Variants in ZNF740 observed in about 807,000 individuals in gnomAD.
ZNF740 encodes the protein zinc finger protein 740.
ZNF740 carries 14 observed loss-of-function variants against 24.8 expected under a neutral mutation model. The ratio of observed to expected loss-of-function variants is 0.56; its 90% CI spans 0.37 to 0.88. The LOEUF is 0.88. Among genes scored for constraint, ZNF740 ranks in the 40% least tolerant of loss-of-function variants. The probability of loss-of-function intolerance (pLI) is 0.00; values close to 1 mark genes in which losing one functional copy is unlikely to be tolerated. For synonymous variants in ZNF740, 69 were observed against 84.0 expected (o/e 0.82, Z 0.98); for missense variants, 201 against 247.9 (o/e 0.81, Z 1.27).
Position 53,193,686 on chromosome 12 carries a change from G to A in ZNF740, c.*6096G>A, listed in dbSNP as rs771434487. On this transcript the variant is annotated 3_prime_UTR_variant, in exon 7 of 7. Transcript: ENST00000416904. ...GTTGGTTGTTGGGAGCCAGGTGGTT[G>A]AAGGGAAGAGGAGGCCCTCACCTGC... 2 of 1,583,892 alleles carry A rather than the reference G, an allele frequency of 1.3e-6. No individual in the cohort carries two copies. Among genetic ancestry groups the A allele is most frequent in the East Asian group, 4.5e-5 (2 of 44,560 alleles).
In ZNF740 at chr12:53,193,797, G is replaced by T; in HGVS notation, c.*6207G>T. 1 of 1,614,124 alleles carries T rather than the reference G, an allele frequency of 6.2e-7. No homozygotes were observed. The highest frequency in any genetic ancestry group is 8.5e-7 in the Non-Finnish European group (1 of 1,180,006). On this transcript the variant is annotated 3_prime_UTR_variant, in exon 7 of 7. Coordinates refer to ENST00000416904, the MANE Select transcript of ZNF740 (RefSeq NM_001004304.4). ...CACTGCAATTACAGTCACACAGCGT[G>T]TGCAACTCCACAATCAGCTCCTCTG... is the stretch of plus-strand genomic sequence containing the variant.
At chr12:53,187,438 T>C in intron 6 of ZNF740, 63 bp from the exon 7 acceptor site, 1 of 1,372,520 alleles carries the variant, frequency 7.3e-7, no homozygotes, top group Non-Finnish European at 1.0e-6. Context: ...GTGAGAGGAA[T>C]GAGTTAGCCA....
intron 6 of ZNF740, 133 bp from the exon 7 acceptor site, chr12:53,187,368 C>T (rs1346563339): frequency 5.5e-6 from 4 of 721,188 alleles, no homozygotes; most frequent in Admixed American, 4.3e-5. Context: ...TCTCCACCAC[C>T]GTGTGCTCCT....
chr12:53,183,284 C>G (rs574862168), intron 2 of ZNF740, among the ~76,000 whole-genome samples: 1 of 152,314 alleles, frequency 6.6e-6, no homozygotes, highest in African/African-American at 2.4e-5. Flanking sequence ...TTATGACAGG[C>G]ATTTTTCATG....
intron 2 of ZNF740, among the ~76,000 whole-genome samples, chr12:53,184,150 T>TGCGCGCGCGCGC (rs377127380): frequency 4.8e-5 from 5 of 104,338 alleles, no homozygotes; most frequent in African/African-American, 1.9e-4. Flanking sequence ...TGTGTGTGTG[T>TGCGCGCGCGCGC]GCGCGCGCGC....
At chr12:53,186,125 G>A in intron 5 of ZNF740, 48 bp downstream of exon 5, 10 of 1,586,206 alleles carry the variant, frequency 6.3e-6, no homozygotes, top group Non-Finnish European at 8.6e-6. Context: ...TCTATCGCTT[G>A]TATTCCATGT....
Position 53,185,237 on chromosome 12 carries a change from G to C in ZNF740, c.160-150G>C, listed in dbSNP as rs538175201. 4.2e-3 allele frequency: 4,701 copies of C among 1,121,058 alleles called. 15 individuals are homozygous for C. Among genetic ancestry groups the C allele is most frequent in the Non-Finnish European group, 5.2e-3 (4,103 of 789,128 alleles). 69.4% of individuals were successfully genotyped at this position (1,121,058 alleles called of 1,614,324 possible). A position where few individuals can be genotyped will look rare whatever the true frequency, so the allele number is the denominator to read the frequency against. On this transcript the variant is annotated intron_variant, in intron 3 of 6. Coordinates refer to ENST00000416904, the MANE Select transcript of ZNF740 (RefSeq NM_001004304.4). ...TGTGCCTTCAACTCTTTTAAGACCA[G>C]GTGCTTGGAGAGGAAATAGTTGTAT... is the stretch of plus-strand genomic sequence containing the variant.
At chr12:53,184,150 TGCGC>T (rs377127380) in intron 2 of ZNF740, among the ~76,000 whole-genome samples, 1,048 of 104,376 alleles carry the variant, frequency 0.01, 18 homozygotes, top group East Asian at 0.093. Flanking sequence ...TGTGTGTGTG[TGCGC>T]GCGCGCGCTC....
chr12:53,184,547 G>T (rs147495935), intron 2 of ZNF740, among the ~76,000 whole-genome samples: 1 of 152,156 alleles, frequency 6.6e-6, no homozygotes, highest in African/African-American at 2.4e-5. Flanking sequence ...GTGTCAGTGG[G>T]TTAGCAAGAT....
In ZNF740 at chr12:53,189,616, G is replaced by A. The variant is rs970352864; in HGVS notation, c.*2026G>A. 2 of 152,118 alleles carry A rather than the reference G, an allele frequency of 1.3e-5. No homozygotes were observed. The highest frequency in any genetic ancestry group is 4.8e-5 in the African/African-American group (2 of 41,396). 9.4% of individuals were successfully genotyped at this position (152,118 alleles called of 1,614,324 possible). A position where few individuals can be genotyped will look rare whatever the true frequency, so the allele number is the denominator to read the frequency against. On this transcript the variant is annotated 3_prime_UTR_variant, in exon 7 of 7. Transcript: ENST00000416904. ...CTGCCATGTACTCTTACAGCTCTAT[G>A]CTGACACTCCCATTTGATGTGGTCC... is the stretch of plus-strand genomic sequence containing the variant.
chr12:53,192,170 C>A lies in ZNF740; in HGVS notation c.*4580C>A. ...CCAAGGTTATCCTCACCGCCCAGGG[C>A]CTTAGCCTCGTCCACTTGCTCAATT... On this transcript the variant is annotated 3_prime_UTR_variant, in exon 7 of 7. Transcript: ENST00000416904. 8.3e-7 allele frequency: 1 copy of A among 1,200,206 alleles called. No individual in the cohort carries two copies. Among genetic ancestry groups the A allele is most frequent in the Non-Finnish European group, 1.2e-6 (1 of 855,042 alleles). The allele number at this position is 1,200,206 out of a possible 1,614,324, so 74.3% of individuals were successfully genotyped here. A position where few individuals can be genotyped will look rare whatever the true frequency, so the allele number is the denominator to read the frequency against.
Position 53,192,814 on chromosome 12 carries a change from G to A in ZNF740, c.*5224G>A. 1 of 1,614,162 alleles carries A rather than the reference G, an allele frequency of 6.2e-7. No individual in the cohort carries two copies. Among genetic ancestry groups the A allele is most frequent in the Non-Finnish European group, 8.5e-7 (1 of 1,180,036 alleles). ...ATGCCCACTGCAGAGCCCTCCCTCG[G>A]GACTGATGCAACTGTCCATGTCCCC... On this transcript the variant is annotated 3_prime_UTR_variant, in exon 7 of 7. Coordinates refer to ENST00000416904, the MANE Select transcript of ZNF740 (RefSeq NM_001004304.4).
Position 53,190,680 on chromosome 12 carries a change from T to G in ZNF740, c.*3090T>G, listed in dbSNP as rs890651368. 1.5e-4 allele frequency: 21 copies of G among 141,398 alleles called. No individual in the cohort carries two copies. Among genetic ancestry groups the G allele is most frequent in the Non-Finnish European group, 2.9e-4 (19 of 64,522 alleles). 8.8% of individuals were successfully genotyped at this position (141,398 alleles called of 1,614,324 possible). ...ATCCTCCTCTCCACCCTGTTTTTTG[T>G]TTTTTTTTTTTTTAAATAATATTTT... On this transcript the variant is annotated 3_prime_UTR_variant, in exon 7 of 7. Transcript: ENST00000416904.
rs1015336390 is a variant in ZNF740, at chr12:53,189,536, C to G, written c.*1946C>G. 6.6e-6 allele frequency: 1 copy of G among 152,118 alleles called. No homozygotes were observed. The highest frequency in any genetic ancestry group is 6.5e-5 in the Admixed American group (1 of 15,268). The allele number at this position is 152,118 out of a possible 1,614,324, so 9.4% of individuals were successfully genotyped here. On this transcript the variant is annotated 3_prime_UTR_variant, in exon 7 of 7. Coordinates refer to ENST00000416904, the MANE Select transcript of ZNF740 (RefSeq NM_001004304.4). ...AAAGAAAGCAGGCATGGCACCCATTCGATTTTCCCTGACAGCATCTGAGAT... is the reference window on the plus strand; with the variant it reads ...AAAGAAAGCAGGCATGGCACCCATTGGATTTTCCCTGACAGCATCTGAGAT...
At chr12:53,182,056 A>G (rs1941666488) in intron 2 of ZNF740, 64 bp downstream of exon 2, 10 of 1,578,892 alleles carry the variant, frequency 6.3e-6, no homozygotes, top group Middle Eastern at 3.3e-4. Context: ...TCACTCTTGA[A>G]TGCTGCCTTA....
Position 53,193,613 on chromosome 12 carries a change from C to T in ZNF740, c.*6023C>T. 8.8e-7 allele frequency: 1 copy of T among 1,130,230 alleles called. No individual in the cohort carries two copies. Among genetic ancestry groups the T allele is most frequent in the South Asian group, 1.6e-5 (1 of 62,992 alleles). 70.0% of individuals were successfully genotyped at this position (1,130,230 alleles called of 1,614,324 possible). On this transcript the variant is annotated 3_prime_UTR_variant, in exon 7 of 7. Coordinates refer to ENST00000416904, the MANE Select transcript of ZNF740 (RefSeq NM_001004304.4). ...GTGGGGAGTCGGGATGTCGAGGAGA[C>T]TCCTGTGGGGGGGATGGAAAGCAGC...
chr12:53,184,150 T>TGTGTGTGCGCGCGCGCGCGC (rs59250662), intron 2 of ZNF740, among the ~76,000 whole-genome samples: 6 of 104,422 alleles, frequency 5.7e-5, no homozygotes, highest in African/African-American at 2.2e-4. Context: ...TGTGTGTGTG[T>TGTGTGTGCGCGCGCGCGCGC]GCGCGCGCGC....
At chr12:53,181,345 A>G (rs949873019) in intron 1 of ZNF740, 17 of 985,270 alleles carry the variant, frequency 1.7e-5, no homozygotes, top group Non-Finnish European at 1.9e-5. Flanking sequence ...CCGCCTCTGT[A>G]AAGTGCGAGC....
At position 53,193,325 on chromosome 12, in the gene ZNF740, G is replaced by C. The variant is rs1375093070; in HGVS notation, c.*5735G>C. ...GTCTGGGGAGGACAGCTCTGCCACAGAGCACTCACAGAGCCGACCTAGGCG... is the reference window on the plus strand; with the variant it reads ...GTCTGGGGAGGACAGCTCTGCCACACAGCACTCACAGAGCCGACCTAGGCG... On this transcript the variant is annotated 3_prime_UTR_variant, in exon 7 of 7. Transcript: ENST00000416904. The C allele has an allele frequency of 2.5e-6, 4 of 1,605,810 alleles. No homozygotes were observed. In the African/African-American group the frequency reaches 4.0e-5, roughly 16 times the overall value.
Sources: gnomAD v4.1 joint callset for allele counts (sites outside exome capture counted in the v4.1 genomes callset) on GRCh38, gnomAD v4.1.1 for gene constraint, MANE v1.5 for transcripts, NCBI Gene and HGNC (gene_info 2026-07-23, HGNC 2026-07-21) for gene names.